The following SULF1 variants were observed in gnomAD, a reference collection of about 807,000 sequenced individuals.
The protein encoded by SULF1 is extracellular sulfatase Sulf-1.
In SULF1, 46 loss-of-function variants were observed where a neutral mutation model predicts 110.5. That is an observed-to-expected ratio of 0.42 (90% CI 0.33 to 0.53). The LOEUF is 0.53. Among genes scored for constraint, SULF1 ranks in the 20% least tolerant of loss-of-function variants. The pLI is 0.12. For synonymous variants in SULF1, 371 were observed against 387.1 expected, an observed-to-expected ratio of 0.96 and a Z score of 0.49; for missense variants, 941 against 1,094.2, an observed-to-expected ratio of 0.86 and a Z score of 1.98.
intron 8 of SULF1, among the ~76,000 whole-genome samples, chr8:69,595,935 A>G (rs1323474796): frequency 6.6e-6 from 1 of 152,188 alleles, no homozygotes; most frequent in African/African-American, 2.4e-5. Flanking sequence ...CCACCTGTCA[A>G]AAAGAAAGGT....
At chr8:69,626,936 C>G (rs1336333895) in intron 15 of SULF1, among the ~76,000 whole-genome samples, 1 of 152,222 alleles carries the variant, frequency 6.6e-6, no homozygotes, top group Non-Finnish European at 1.5e-5. Context: ...AGCAGCGGGC[C>G]GAAGGGCTCC....
At chr8:69,621,560 A>G (rs76191744) in intron 14 of SULF1, among the ~76,000 whole-genome samples, 1,770 of 152,354 alleles carry the variant, frequency 0.012, 43 homozygotes, top group African/African-American at 0.041. Flanking sequence ...GTTTAAGTCC[A>G]TTTTATTTTA....
intron 16 of SULF1, 54 bp from the exon 17 acceptor site, chr8:69,627,718 T>G (rs1382601295): frequency 5.7e-6 from 7 of 1,222,378 alleles, no homozygotes; most frequent in Admixed American, 3.9e-5. Context: ...GAAAAGTACT[T>G]TGTAAAGAAA....
At chr8:69,511,607 A>C (rs1354351841) in intron 3 of SULF1, among the ~76,000 whole-genome samples, 1 of 152,202 alleles carries the variant, frequency 6.6e-6, no homozygotes, top group African/African-American at 2.4e-5. Context: ...GAAAGTACGG[A>C]GATTTCCCAT....
rs77378826 is a variant in SULF1 at position 69,650,515 on chromosome 8, C to A, written c.2586-7990C>A. On this transcript the variant is annotated intron_variant, in intron 22 of 22. Coordinates refer to ENST00000402687, the MANE Select transcript of SULF1 (RefSeq NM_001128205.2). ...AAACATTAGCTGGGCTTAGTCCCAG[C>A]ACCTGTTGTCCCAGTTACTCAGAGG... is the stretch of plus-strand genomic sequence containing the variant. Among the ~76,000 whole-genome samples, 502 of 152,288 alleles carry A rather than the reference C, an allele frequency of 3.3e-3. 7 individuals carry two copies. In the East Asian group the frequency reaches 0.041, roughly 12 times the overall value.
At chr8:69,656,296 TTTG>T (rs1812723702) in intron 22 of SULF1, among the ~76,000 whole-genome samples, 1 of 152,258 alleles carries the variant, frequency 6.6e-6, no homozygotes, top group Admixed American at 6.5e-5. Context: ...CCACTTTATT[TTTG>T]TTGTTGTCGT....
intron 22 of SULF1, among the ~76,000 whole-genome samples, chr8:69,650,505 T>G (rs933298213): frequency 3.3e-5 from 5 of 152,148 alleles, no homozygotes; most frequent in Admixed American, 1.3e-4. Context: ...TTAGCTGGGC[T>G]TAGTCCCAGC....
chr8:69,546,766 T>C lies in SULF1; in HGVS notation c.-133-16773T>C, dbSNP rs147990976. On this transcript the variant is annotated intron_variant, in intron 3 of 22. Coordinates refer to ENST00000402687, the MANE Select transcript of SULF1 (RefSeq NM_001128205.2). ...ACATAAGAGTCTATTAAGAGTACTC[T>C]GAGCAACATCATAATGTTGCTAAAA... 5.7e-3 allele frequency among the ~76,000 whole-genome samples: 864 copies of C among 152,360 alleles called. 6 individuals carry two copies. Among genetic ancestry groups the C allele is most frequent in the African/African-American group, 0.02 (824 of 41,588 alleles).
intron 19 of SULF1, among the ~76,000 whole-genome samples, chr8:69,634,873 T>G (rs1810861004): frequency 6.6e-6 from 1 of 152,208 alleles, no homozygotes; most frequent in Non-Finnish European, 1.5e-5. Context: ...AATGGTGCGA[T>G]CTTGGCTCAC....
intron 19 of SULF1, among the ~76,000 whole-genome samples, chr8:69,635,434 C>A (rs1405174402): frequency 6.6e-6 from 1 of 152,180 alleles, no homozygotes; most frequent in Non-Finnish European, 1.5e-5. Context: ...CTGTACTTTT[C>A]CCTCAAAACC....
intron 3 of SULF1, among the ~76,000 whole-genome samples, chr8:69,530,948 C>T (rs1358260625): frequency 2.6e-5 from 4 of 152,206 alleles, no homozygotes; most frequent in African/African-American, 9.6e-5. Flanking sequence ...GTACTCCAGA[C>T]AGAATGCTAG....
intron 7 of SULF1, among the ~76,000 whole-genome samples, chr8:69,588,253 A>C (rs1455495002): frequency 6.6e-6 from 1 of 152,120 alleles, no homozygotes; most frequent in African/African-American, 2.4e-5. Flanking sequence ...TTTTATTAGC[A>C]AGTCAGGCTC....
chr8:69,604,426 C>T (rs1327317653), intron 12 of SULF1, among the ~76,000 whole-genome samples: 1 of 152,154 alleles, frequency 6.6e-6, no homozygotes, highest in East Asian at 1.9e-4. Flanking sequence ...TTCTGGGTTT[C>T]CCCTTTTGGT....
chr8:69,658,378 G>A (rs1812879713), intron 22 of SULF1, 127 bp from the exon 23 acceptor site: 14 of 668,444 alleles, frequency 2.1e-5, no homozygotes, highest in South Asian at 1.8e-4. Context: ...CAAATGACTA[G>A]GGGAAAATGC....
rs534732039 is a variant in SULF1 at position 69,471,569 on chromosome 8, C to T, written c.-391+4619C>T. Among the ~76,000 whole-genome samples, 9 of 152,298 alleles carry T rather than the reference C, an allele frequency of 5.9e-5. No individual in the cohort carries two copies. The South Asian group carries it at 1.9e-3, about 32-fold the overall frequency. ...TAGAAATTACATGTATTGGCTGCTG[C>T]TCTATCATAAAATCCCAAATATGGC... On this transcript the variant is annotated intron_variant, in intron 1 of 22. Transcript: ENST00000260128.
At chr8:69,590,372 A>C (rs1260904754) in intron 8 of SULF1, among the ~76,000 whole-genome samples, 1 of 152,196 alleles carries the variant, frequency 6.6e-6, no homozygotes, top group Non-Finnish European at 1.5e-5. Flanking sequence ...CATGTTGGCC[A>C]GGCTGGTCTC....
At chr8:69,650,300 C>T (rs1812232265) in intron 22 of SULF1, among the ~76,000 whole-genome samples, 2 of 152,024 alleles carry the variant, frequency 1.3e-5, no homozygotes, top group African/African-American at 4.8e-5. Flanking sequence ...TCGTGCCTGG[C>T]TCCTCCTGCA....
intron 13 of SULF1, among the ~76,000 whole-genome samples, chr8:69,610,064 C>T (rs1428685026): frequency 6.6e-6 from 1 of 152,172 alleles, no homozygotes; most frequent in South Asian, 2.1e-4. Context: ...AAAAAAGCAG[C>T]CTGCTTTGTT....
At chr8:69,614,174 C>A (rs2130494561) in intron 13 of SULF1, among the ~76,000 whole-genome samples, 1 of 152,272 alleles carries the variant, frequency 6.6e-6, no homozygotes, top group Admixed American at 6.5e-5. Context: ...ATCGCTAATG[C>A]TCATAACTCT....
Sources: allele counts gnomAD v4.1 joint callset (sites outside exome capture counted in the v4.1 genomes callset), GRCh38; gene constraint gnomAD v4.1.1; transcripts MANE v1.5; gene names NCBI Gene and HGNC (gene_info 2026-07-23, HGNC 2026-07-21).